The following COPA variants were observed in gnomAD, a reference collection of about 807,000 sequenced individuals.
The protein encoded by COPA is coatomer subunit alpha.
In COPA, 10 loss-of-function variants were observed where a neutral mutation model predicts 158.7. That is an observed-to-expected ratio of 0.06 (90% confidence interval 0.04 to 0.11). The LOEUF is 0.11. Ranked by LOEUF, COPA falls within the 10% of genes least tolerant of loss-of-function variation. The pLI, the probability that COPA is intolerant of heterozygous loss-of-function variation, is 1.00. For synonymous variants in COPA, 462 were observed against 542.8 expected, an observed-to-expected ratio of 0.85 and a Z score of 2.07; for missense variants, 1,065 against 1,536.7, an observed-to-expected ratio of 0.69 and a Z score of 5.13.
intron 3 of COPA, chr1:160,339,693 C>A: frequency 2.1e-6 from 1 of 484,654 alleles, no homozygotes; most frequent in East Asian, 3.4e-5. Flanking sequence ...AAACAGAAGC[C>A]ATTTCTTATT....
chr1:160,330,529 T>G (rs1647462170), intron 6 of COPA, among the ~76,000 whole-genome samples: 1 of 152,070 alleles, frequency 6.6e-6, no homozygotes, highest in African/African-American at 2.4e-5. Flanking sequence ...CTAGAGGTTC[T>G]ACTCTACAAT....
chr1:160,305,698 T>C lies in COPA; in HGVS notation c.1518A>G (p.Leu506=). The part of the protein sequence containing the change: ...WSADMSHVAL[L]AKHAIVICNR... ...ATAATGAAGACTCACCGTGTTTGGC[T>C]AGTAGTGCTACATGTGACATGTCTG... The change falls in exon 16 of 33, where the codon CTA becomes CTG. Residue 506 remains leucine, a synonymous_variant. Coordinates refer to ENST00000241704, the MANE Select transcript of COPA (RefSeq NM_004371.4). 3.1e-6 allele frequency: 5 copies of C among 1,614,190 alleles called. No individual in the cohort carries two copies. The highest frequency in any genetic ancestry group is 3.4e-6 in the Non-Finnish European group (4 of 1,180,020).
chr1:160,290,685 G>A lies in COPA; in HGVS notation c.3422C>T (p.Thr1141Ile), dbSNP rs1389932827. ...LGPKPEVAQQ[T>I]RKILSACEKN... ...CTCACAGGCAGACAGGATTTTTCGG[G>A]TCTAGGGGAAGGAAGGAGTATTTAG... The change falls in exon 32 of 33, where the codon ACC becomes ATC. Residue 1141 changes from threonine (T) to isoleucine (I), a missense_variant and splice_region_variant. Thr to Ile is a moderately conservative substitution (Grantham distance 89). Around this residue, in one of 2 missense-constraint regions of COPA, gnomAD observed 980 missense variants for 1,357.8 expected, o/e 0.72. Transcript: ENST00000241704. 1.2e-6 allele frequency: 2 copies of A among 1,613,946 alleles called. No individual in the cohort carries two copies. Among genetic ancestry groups the A allele is most frequent in the Admixed American group, 1.7e-5 (1 of 60,030 alleles).
Position 160,313,014 on chromosome 1 carries a change from A to G in COPA, c.925+71T>C, listed in dbSNP as rs556595208. On this transcript the variant is annotated intron_variant, in intron 10 of 32. Coordinates refer to ENST00000241704, the MANE Select transcript of COPA (RefSeq NM_004371.4). Reference sequence around the variant, plus strand: ...CCTACTATACATTTACTAGAGACAAAGCTAATAATCACTTTCAAGACTTAT... The same window carrying G: ...CCTACTATACATTTACTAGAGACAAGGCTAATAATCACTTTCAAGACTTAT... 12 of 1,370,694 alleles carry G rather than the reference A, an allele frequency of 8.8e-6. No individual in the cohort carries two copies. The South Asian group carries it at 1.5e-4, about 17-fold the overall frequency. The allele number at this position is 1,370,694 out of a possible 1,614,324, so 84.9% of individuals were successfully genotyped here.
At chr1:160,311,504 C>T (rs968787368) in intron 11 of COPA, among the ~76,000 whole-genome samples, 6 of 151,802 alleles carry the variant, frequency 4.0e-5, no homozygotes, top group Non-Finnish European at 5.9e-5. Context: ...AATCCCAGCA[C>T]TTTGGGAGGC....
chr1:160,330,704 T>C (rs1647472115), intron 6 of COPA, among the ~76,000 whole-genome samples: 1 of 151,990 alleles, frequency 6.6e-6, no homozygotes, highest in Admixed American at 6.6e-5. Flanking sequence ...CACAATGGAG[T>C]TGGGAATAGT....
chr1:160,340,222 T>C lies in COPA; in HGVS notation c.113A>G (p.Tyr38Cys). 2.5e-6 allele frequency: 4 copies of C among 1,613,838 alleles called. No homozygotes were observed. The highest frequency in any genetic ancestry group is 3.4e-6 in the Non-Finnish European group (4 of 1,179,934). Residue 38 changes from tyrosine to cysteine, a missense_variant, in exon 2 of 33, where the codon TAT (tyrosine) becomes TGT (cysteine). Physicochemically the swap from Tyr to Cys is radical, Grantham distance 194. This residue lies in a region of COPA where 85 missense variants were observed against 178.9 expected (regional missense o/e 0.48). Coordinates refer to ENST00000241704, the MANE Select transcript of COPA (RefSeq NM_004371.4). ...LHNGVIQLWDYRMCTLIDKFD... is the reference protein window; with the variant it reads ...LHNGVIQLWDCRMCTLIDKFD... ...CTTGTCAATGAGAGTGCACATCCGA[T>C]AGTCCCATAACTGGATGACCCCATT...
rs188688188 is a variant in COPA at position 160,325,131 on chromosome 1, T to G, written c.606+412A>C. Among the ~76,000 whole-genome samples, 843 of 152,256 alleles carry G rather than the reference T, an allele frequency of 5.5e-3. 2 individuals are homozygous for G. Among genetic ancestry groups the G allele is most frequent in the Non-Finnish European group, 8.6e-3 (583 of 68,026 alleles). ...TACTTCAGTGGGTAGCTATGAAGAT[T>G]AGATAATTTTTTAGAACAAAAACTA... is the stretch of plus-strand genomic sequence containing the variant. On this transcript the variant is annotated intron_variant, in intron 7 of 32. Transcript: ENST00000241704.
Position 160,306,249 on chromosome 1 carries a change from G to T in COPA, c.1442+105C>A, listed in dbSNP as rs564274363. ...TAAAGAGTCTTGGAGCACAAGAAGT[G>T]GCCAAGCCACAAGACAAACTCACTT... On this transcript the variant is annotated intron_variant, in intron 15 of 32. Coordinates refer to ENST00000241704, the MANE Select transcript of COPA (RefSeq NM_004371.4). 4 of 1,340,610 alleles carry T rather than the reference G, an allele frequency of 3.0e-6. No homozygotes were observed. The African/African-American group carries it at 5.9e-5, about 20-fold the overall frequency. 83.0% of individuals were successfully genotyped at this position (1,340,610 alleles called of 1,614,324 possible). A position where few individuals can be genotyped will look rare whatever the true frequency, so the allele number is the denominator to read the frequency against.
intron 7 of COPA, among the ~76,000 whole-genome samples, chr1:160,324,273 G>A (rs1659422034): frequency 7.2e-6 from 1 of 138,120 alleles, no homozygotes; most frequent in African/African-American, 2.7e-5. Context: ...CTAAGACTTT[G>A]TCTTCTTCAT....
At chr1:160,331,071 A>T (rs572552092) in intron 6 of COPA, among the ~76,000 whole-genome samples, 24 of 137,998 alleles carry the variant, frequency 1.7e-4, no homozygotes, top group Admixed American at 6.2e-4. Context: ...AATAAAAGTT[A>T]AAAAAAAAGA....
Position 160,317,462 on chromosome 1 carries a change from A to G in COPA, c.707-3337T>C, listed in dbSNP as rs529740089. The stretch of plus-strand genomic sequence containing the variant: ...TTGGGGGATAAGAAGGAAGGTGAAT[A>G]TATTAAACTCAAAGTCATTGGACAG... On this transcript the variant is annotated intron_variant, in intron 8 of 32. Transcript: ENST00000241704. 1.6e-5 allele frequency: 26 copies of G among 1,609,390 alleles called. 1 individual carries two copies. In the South Asian group the frequency reaches 2.5e-4, roughly 16 times the overall value.
chr1:160,322,284 C>G (rs1418280505), intron 8 of COPA, among the ~76,000 whole-genome samples: 1 of 152,130 alleles, frequency 6.6e-6, no homozygotes, highest in East Asian at 1.9e-4. Context: ...TGGAACAGAA[C>G]AGAGGACCCA....
intron 7 of COPA, among the ~76,000 whole-genome samples, chr1:160,324,285 C>CTTT (rs750360211): frequency 1.5e-4 from 15 of 102,340 alleles, no homozygotes; most frequent in East Asian, 3.0e-4. Context: ...CTTCTTCATT[C>CTTT]TTTTTTTTTT....
chr1:160,300,110 C>T (rs947695595), intron 17 of COPA, among the ~76,000 whole-genome samples: 4 of 152,016 alleles, frequency 2.6e-5, no homozygotes, highest in South Asian at 2.1e-4. Context: ...GAGGCCGAGG[C>T]GGGTAGATCA....
At chr1:160,318,414 T>C (rs1053222387) in intron 8 of COPA, among the ~76,000 whole-genome samples, 1 of 137,762 alleles carries the variant, frequency 7.3e-6, no homozygotes, top group African/African-American at 2.7e-5. Flanking sequence ...GCCTGGGATA[T>C]GGGTTTTAAA....
intron 6 of COPA, 125 bp from the exon 7 acceptor site, chr1:160,325,777 GAA>G: frequency 2.9e-6 from 2 of 696,904 alleles, no homozygotes; most frequent in Middle Eastern, 2.7e-4. Flanking sequence ...ACTGAAGAAA[GAA>G]AAGAGACTCA....
intron 1 of COPA, among the ~76,000 whole-genome samples, chr1:160,342,492 C>A (rs986090214): frequency 1.3e-5 from 2 of 152,146 alleles, no homozygotes; most frequent in African/African-American, 4.8e-5. Context: ...TAAATTTGAA[C>A]TTCTGGTAAG....
At chr1:160,337,442 G>T (rs1364974550) in intron 3 of COPA, among the ~76,000 whole-genome samples, 1 of 152,190 alleles carries the variant, frequency 6.6e-6, no homozygotes, top group Admixed American at 6.5e-5. Context: ...CGAATGGGCC[G>T]GGTGCGGTGG....
Sources: gnomAD v4.1 joint callset for allele counts (sites outside exome capture counted in the v4.1 genomes callset) on GRCh38, gnomAD v4.1.1 for gene constraint, gnomAD v4.1.1 regional missense constraint, MANE v1.5 for transcripts, NCBI Gene and HGNC (gene_info 2026-07-23, HGNC 2026-07-21) for gene names.